FARP1: variants seen among roughly 807,000 people sequenced by gnomAD.
The protein encoded by FARP1 is FERM, ARHGEF and pleckstrin domain-containing protein 1.
Under a neutral mutation model 128.8 loss-of-function variants are expected in FARP1, and 52 were observed. That is an observed-to-expected ratio of 0.40 (90% CI 0.32 to 0.51). The LOEUF (loss-of-function observed/expected upper bound fraction) is 0.51. Among genes scored for constraint, FARP1 ranks in the 20% least tolerant of loss-of-function variants. FARP1 has a pLI of 0.45. For synonymous variants in FARP1, 580 were observed against 551.8 expected (o/e 1.05, Z -0.72); for missense variants, 1,333 against 1,367.9 (o/e 0.97, Z 0.40).
intron 2 of FARP1, among the ~76,000 whole-genome samples, chr13:98,248,267 CT>C (rs11309483): frequency 0.45 from 68,134 of 151,866 alleles, 15,610 homozygotes; most frequent in East Asian, 0.61. Flanking sequence ...TTTTTGAACT[CT>C]TTTCTACTGT....
chr13:98,299,468 G>A (rs1464164378), intron 2 of FARP1, among the ~76,000 whole-genome samples: 1 of 152,132 alleles, frequency 6.6e-6, no homozygotes, highest in Non-Finnish European at 1.5e-5. Context: ...TTGACATTAC[G>A]CCTTCAAATT....
In FARP1 at chr13:98,435,792, G is replaced by T. The variant is rs531137562; in HGVS notation, c.2274+86G>T. The T allele has an allele frequency of 7.7e-6, 11 of 1,434,064 alleles. No individual in the cohort carries two copies. The African/African-American group carries it at 1.4e-4, about 18-fold the overall frequency. The allele number at this position is 1,434,064 out of a possible 1,614,324, so 88.8% of individuals were successfully genotyped here. A position where few individuals can be genotyped will look rare whatever the true frequency, so the allele number is the denominator to read the frequency against. ...CTTACATTTGAACCTTTTGAAGAGA[G>T]ACCCTTGCAAAGCAAAATGTCCTCT... On this transcript the variant is annotated intron_variant, in intron 19 of 26. Transcript: ENST00000319562.
intron 5 of FARP1, 130 bp from the exon 6 acceptor site, chr13:98,377,691 A>G: frequency 1.6e-6 from 1 of 644,242 alleles, no homozygotes; most frequent in Non-Finnish European, 2.8e-6. Flanking sequence ...GGCAGCTGGA[A>G]TCCGTTCCAG....
At chr13:98,163,288 G>C (rs1416010471) in intron 1 of FARP1, among the ~76,000 whole-genome samples, 4 of 152,118 alleles carry the variant, frequency 2.6e-5, no homozygotes, top group Non-Finnish European at 4.4e-5. Flanking sequence ...TGGACACACA[G>C]AGGGGAACAA....
intron 9 of FARP1, 40 bp from the exon 10 acceptor site, chr13:98,389,917 G>T: frequency 6.2e-7 from 1 of 1,600,862 alleles, no homozygotes; most frequent in Non-Finnish European, 8.5e-7. Flanking sequence ...GTGTATCTAT[G>T]GGTAATGGAA....
intron 17 of FARP1, among the ~76,000 whole-genome samples, chr13:98,430,184 C>T (rs1268674310): frequency 2.6e-5 from 4 of 152,122 alleles, no homozygotes; most frequent in African/African-American, 4.8e-5. Context: ...CCCAGGAGTT[C>T]GAGGCTGCAG....
intron 3 of FARP1, 127 bp downstream of exon 3, chr13:98,343,993 T>G (rs1888077566): frequency 1.4e-6 from 1 of 693,018 alleles, no homozygotes; most frequent in Non-Finnish European, 2.6e-6. Context: ...TGTGAAGTCT[T>G]CAAATCTGGT....
chr13:98,358,251 A>T (rs1322045723), intron 3 of FARP1, among the ~76,000 whole-genome samples: 1 of 151,736 alleles, frequency 6.6e-6, no homozygotes, highest in East Asian at 1.9e-4. Flanking sequence ...ATTTGGCCGC[A>T]TCCTACCTGT....
chr13:98,252,013 A>AT (rs35468208), intron 2 of FARP1, among the ~76,000 whole-genome samples: 26,251 of 151,836 alleles, frequency 0.17, 3,050 homozygotes, highest in East Asian at 0.62. Flanking sequence ...ATGCCCGGTT[A>AT]TTTTTTGTAT....
intron 2 of FARP1, among the ~76,000 whole-genome samples, chr13:98,240,975 G>A (rs1313026340): frequency 6.6e-6 from 1 of 152,248 alleles, no homozygotes. Flanking sequence ...CAGGACTCTG[G>A]TGGGTGACTC....
At chr13:98,164,842 G>A (rs1240297857) in intron 1 of FARP1, among the ~76,000 whole-genome samples, 5 of 152,082 alleles carry the variant, frequency 3.3e-5, no homozygotes, top group Non-Finnish European at 7.4e-5. Flanking sequence ...CACTTTGGGA[G>A]GCCGAGGCGG....
At chr13:98,338,037 T>G (rs1368201925) in intron 2 of FARP1, among the ~76,000 whole-genome samples, 25 of 152,218 alleles carry the variant, frequency 1.6e-4, no homozygotes, top group Admixed American at 1.6e-3. Flanking sequence ...GTTAACAGAT[T>G]GCATTGTGAA....
chr13:98,145,637 G>A (rs1170972777), intron 1 of FARP1, among the ~76,000 whole-genome samples: 3 of 152,100 alleles, frequency 2.0e-5, no homozygotes. Flanking sequence ...TTGGGAGACC[G>A]AGGCGGATCA....
intron 2 of FARP1, among the ~76,000 whole-genome samples, chr13:98,263,771 T>C (rs1443582137): frequency 6.6e-6 from 1 of 152,264 alleles, no homozygotes; most frequent in African/African-American, 2.4e-5. Flanking sequence ...ATATTTATCT[T>C]AGAATTGATC....
At chr13:98,357,219 T>C (rs77642215) in intron 3 of FARP1, among the ~76,000 whole-genome samples, 2,164 of 152,328 alleles carry the variant, frequency 0.014, 52 homozygotes, top group African/African-American at 0.049. Flanking sequence ...ATAGTTTAAA[T>C]TGAACACCTT....
intron 13 of FARP1, chr13:98,403,100 T>G (rs975736964): frequency 6.6e-6 from 1 of 151,844 alleles, no homozygotes; most frequent in African/African-American, 2.4e-5. Flanking sequence ...TTTTTTTTTT[T>G]TAACACTGCT....
intron 7 of FARP1, 29 bp downstream of exon 7, chr13:98,384,873 C>A: frequency 7.1e-7 from 1 of 1,404,776 alleles, no homozygotes; most frequent in Non-Finnish European, 1.0e-6. Flanking sequence ...TTCATATTCC[C>A]TCTGAGCCGG....
At chr13:98,175,199 A>G (rs1877917532) in intron 1 of FARP1, among the ~76,000 whole-genome samples, 2 of 152,220 alleles carry the variant, frequency 1.3e-5, no homozygotes, top group South Asian at 4.1e-4. Flanking sequence ...TATATGAGAT[A>G]GGCTCTTATG....
intron 2 of FARP1, among the ~76,000 whole-genome samples, chr13:98,284,103 C>A (rs547978245): frequency 6.6e-6 from 1 of 152,284 alleles, no homozygotes; most frequent in African/African-American, 2.4e-5. Flanking sequence ...TTGTCCAACG[C>A]CCATGGCCCA....
Sources: gnomAD v4.1 joint callset for allele counts (sites outside exome capture counted in the v4.1 genomes callset) on GRCh38, gnomAD v4.1.1 for gene constraint, MANE v1.5 for transcripts, NCBI Gene and HGNC (gene_info 2026-07-23, HGNC 2026-07-21) for gene names.